SERINC2: variants seen among roughly 807,000 people sequenced by gnomAD.
SERINC2 encodes the protein serine incorporator 2.
SERINC2 carries 56 observed loss-of-function variants against 54.2 expected under a neutral mutation model. The ratio of observed to expected loss-of-function variants is 1.03; its 90% confidence interval spans 0.83 to 1.29. The LOEUF (loss-of-function observed/expected upper bound fraction) is 1.29. Ranked by LOEUF, SERINC2 falls within the 50% of genes most tolerant of loss-of-function variation. SERINC2 has a pLI of 0.00. For synonymous variants in SERINC2, 272 were observed against 253.1 expected (o/e 1.07, Z -0.71); for missense variants, 614 against 607.4 (o/e 1.01, Z -0.12).
intron 1 of SERINC2, among the ~76,000 whole-genome samples, chr1:31,418,703 A>C (rs937717824): frequency 2.0e-5 from 3 of 152,142 alleles, no homozygotes; most frequent in Non-Finnish European, 4.4e-5. Flanking sequence ...AGAAAAATTC[A>C]TCCAGCCCTC....
Position 31,424,672 on chromosome 1 carries a change from T to C in SERINC2, c.202-11T>C, listed in dbSNP as rs1274679799. 6.3e-7 allele frequency: 1 copy of C among 1,583,022 alleles called. No individual in the cohort carries two copies. The highest frequency in any genetic ancestry group is 8.6e-7 in the Non-Finnish European group (1 of 1,164,178). ...GGTGGGGCTTTGACGCTGCTCTGTC[T>C]GTCTCCACAGCTGCCCTGGGTGTGT... On this transcript the variant is annotated splice_polypyrimidine_tract_variant and intron_variant, in intron 2 of 9. Transcript: ENST00000373709.
intron 1 of SERINC2, chr1:31,414,632 CAGG>C (rs1489078079): frequency 3.0e-6 from 3 of 985,482 alleles, no homozygotes; most frequent in Non-Finnish European, 3.6e-6. Context: ...TGTGCGTGTG[CAGG>C]AGGAGGAATC....
intron 7 of SERINC2, 32 bp downstream of exon 7, chr1:31,429,100 G>T (rs1553134047): frequency 6.3e-7 from 1 of 1,578,328 alleles, no homozygotes; most frequent in Admixed American, 1.7e-5. Flanking sequence ...AGGAGGCCTG[G>T]CCTCGTTCCT....
Position 31,434,153 on chromosome 1 carries a change from G to A in SERINC2, c.1322G>A (p.Trp441Ter). 1 of 1,613,866 alleles carries A rather than the reference G, an allele frequency of 6.2e-7. No homozygotes were observed. Among genetic ancestry groups the A allele is most frequent in the Non-Finnish European group, 8.5e-7 (1 of 1,179,950 alleles). The change falls in exon 10 of 10, where the codon TGG (tryptophan) becomes TAG (stop). Residue 441 changes from tryptophan to a stop codon, truncating the protein, a stop_gained. Coordinates refer to ENST00000373709, the MANE Select transcript of SERINC2 (RefSeq NM_178865.5). LOFTEE classifies it high-confidence loss of function. ...TGGGCAGGGCTGCTCCTCTACCTGT[G>A]GACCCTGGTAGCCCCACTCCTCCTG... Reference protein sequence around the residue: ...ASWAGLLLYLWTLVAPLLLRN... With the variant: ...ASWAGLLLYL
intron 2 of SERINC2, 118 bp from the exon 3 acceptor site, chr1:31,424,565 C>T (rs1570044220): frequency 2.4e-6 from 2 of 818,118 alleles, no homozygotes; most frequent in South Asian, 1.8e-5. Context: ...GGTCCAGCCC[C>T]TGCTGGGAGA....
chr1:31,414,174 G>T, intron 1 of SERINC2: 1 of 1,403,606 alleles, frequency 7.1e-7, no homozygotes, highest in Non-Finnish European at 9.2e-7. Flanking sequence ...GGACCTGTGG[G>T]GAGGCCAACC....
rs2148509442 is a variant in SERINC2, at chr1:31,413,296, C to T, written c.31C>T (p.Leu11Phe). 3.9e-6 allele frequency: 5 copies of T among 1,276,770 alleles called. No individual in the cohort carries two copies. Among genetic ancestry groups the T allele is most frequent in the Non-Finnish European group, 4.9e-6 (5 of 1,013,818 alleles). 79.1% of individuals were successfully genotyped at this position (1,276,770 alleles called of 1,614,324 possible). Residue 11 changes from leucine to phenylalanine, a missense_variant, in exon 1 of 10, where the codon CTC becomes TTC. Physicochemically the swap from Leu to Phe is conservative, Grantham distance 22. Coordinates refer to ENST00000373709, the MANE Select transcript of SERINC2 (RefSeq NM_178865.5). This position sits in a 1 kb window ranked among gnomAD's most constrained non-coding sequence, Gnocchi z 5.0. The part of the protein sequence containing the change: MGACLGACSL[L>F]SCASCLCGSA... ...GGCCTGCCTGGGAGCCTGCTCCCTG[C>T]TCAGCTGCGTGAGTCCCGACCCCGG...
intron 8 of SERINC2, 128 bp from the exon 9 acceptor site, chr1:31,432,839 A>G (rs983953877): frequency 1.3e-5 from 9 of 682,960 alleles, no homozygotes; most frequent in Non-Finnish European, 2.0e-5. Context: ...TTGAGAGGCA[A>G]AGCAGTTTGT....
Position 31,434,537 on chromosome 1 carries a change from A to C in SERINC2, c.*338A>C. The C allele has an allele frequency of 3.9e-5, 11 of 281,580 alleles. No homozygotes were observed. Among genetic ancestry groups the C allele is most frequent in the South Asian group, 2.3e-4 (3 of 12,818 alleles). 17.4% of individuals were successfully genotyped at this position (281,580 alleles called of 1,614,324 possible). ...GCGGGGCTGCTGGAGAGAGCGGGGA[A>C]CTCCCACCACAGTGGGGCATCCGGC... On this transcript the variant is annotated 3_prime_UTR_variant, in exon 10 of 10. Coordinates refer to ENST00000373709, the MANE Select transcript of SERINC2 (RefSeq NM_178865.5).
Position 31,433,216 on chromosome 1 carries a change from C to T in SERINC2, c.1232+31C>T, listed in dbSNP as rs145697321. On this transcript the variant is annotated intron_variant, in intron 9 of 9. Coordinates refer to ENST00000373709, the MANE Select transcript of SERINC2 (RefSeq NM_178865.5). Reference sequence around the variant, plus strand: ...TAGCTGGTGGGGCATGGACAGAGCCCGGAGGTGCAGGGTGCAGGTCCACAC... The same window carrying T: ...TAGCTGGTGGGGCATGGACAGAGCCTGGAGGTGCAGGGTGCAGGTCCACAC... 4.0e-3 allele frequency: 6,346 copies of T among 1,587,154 alleles called. 20 individuals are homozygous for T. Among genetic ancestry groups the T allele is most frequent in the Non-Finnish European group, 5.1e-3 (5,859 of 1,157,102 alleles).
intron 8 of SERINC2, among the ~76,000 whole-genome samples, chr1:31,432,474 A>G (rs1641333943): frequency 6.6e-6 from 1 of 152,220 alleles, no homozygotes; most frequent in South Asian, 2.1e-4. Flanking sequence ...TGGTAAAACC[A>G]CCTGACACTA....
Position 31,423,945 on chromosome 1 carries a change from C to T in SERINC2, c.201+91C>T, listed in dbSNP as rs914771116. On this transcript the variant is annotated intron_variant, in intron 2 of 9. Coordinates refer to ENST00000373709, the MANE Select transcript of SERINC2 (RefSeq NM_178865.5). ...CCCAGGCTTGGGGTCACAGCTTATC[C>T]AGAAGAGGAGGCAGGGTGTTTGGGT... is the stretch of plus-strand genomic sequence containing the variant. The T allele has an allele frequency of 1.7e-5, 21 of 1,261,690 alleles. No individual in the cohort carries two copies. The Admixed American group carries it at 3.8e-4, about 23-fold the overall frequency. 78.2% of individuals were successfully genotyped at this position (1,261,690 alleles called of 1,614,324 possible). A position where few individuals can be genotyped will look rare whatever the true frequency, so the allele number is the denominator to read the frequency against.
chr1:31,432,357 A>C (rs992451312), intron 8 of SERINC2, among the ~76,000 whole-genome samples: 2 of 150,128 alleles, frequency 1.3e-5, no homozygotes, highest in Non-Finnish European at 2.9e-5. Context: ...TATGTCTCAA[A>C]CTATCAAATT....
At chr1:31,425,704 C>G (rs531776432) in intron 4 of SERINC2, 72 bp from the exon 5 acceptor site, 66 of 1,548,654 alleles carry the variant, frequency 4.3e-5, no homozygotes, top group Non-Finnish European at 5.5e-5. Context: ...CAGGGTGTAG[C>G]AGAAAACGCT....
chr1:31,414,421 T>TTTGTG (rs1553131930), intron 1 of SERINC2: 2 of 261,472 alleles, frequency 7.6e-6, no homozygotes, highest in Admixed American at 2.4e-4. Context: ...CCCTGACGGG[T>TTTGTG]TGTGTGTGTG....
chr1:31,431,729 T>C (rs562660218), intron 8 of SERINC2, among the ~76,000 whole-genome samples: 3 of 152,100 alleles, frequency 2.0e-5, no homozygotes, highest in Admixed American at 2.0e-4. Context: ...ATGCATGAGA[T>C]ATCCATATGG....
chr1:31,414,273 C>T, intron 1 of SERINC2: 2 of 1,321,736 alleles, frequency 1.5e-6, no homozygotes, highest in Non-Finnish European at 1.9e-6. Context: ...CCCCAGCCCC[C>T]CTCTCCTTTC....
Position 31,429,066 on chromosome 1 carries a change from C to T in SERINC2, c.869C>T (p.Pro290Leu), listed in dbSNP as rs1641123135. 6.2e-7 allele frequency: 1 copy of T among 1,613,066 alleles called. No homozygotes were observed. Among genetic ancestry groups the T allele is most frequent in the Non-Finnish European group, 8.5e-7 (1 of 1,179,220 alleles). The change falls in exon 7 of 10, where the codon CCT becomes CTT. Residue 290 changes from proline to leucine, a missense_variant and splice_region_variant. By Grantham distance (98) the Pro-to-Leu change is moderately conservative. Transcript: ENST00000373709. ...FVTWSALSSI[P>L]EQKCNPHLPT... Reference sequence around the variant, plus strand: ...ACCTGGTCAGCCCTATCCAGTATCCCTGGTAAGTATGGGCCCAGGCTCAAG... The same window carrying T: ...ACCTGGTCAGCCCTATCCAGTATCCTTGGTAAGTATGGGCCCAGGCTCAAG...
At chr1:31,430,772 G>A (rs1011774290) in intron 8 of SERINC2, among the ~76,000 whole-genome samples, 12 of 152,024 alleles carry the variant, frequency 7.9e-5, no homozygotes, top group Non-Finnish European at 1.0e-4. Context: ...TTGTTTACAC[G>A]GATCAGGCAG....
Sources: allele counts gnomAD v4.1 joint callset (sites outside exome capture counted in the v4.1 genomes callset), GRCh38; gene constraint gnomAD v4.1.1; non-coding constraint Gnocchi (gnomAD v3.1); transcripts MANE v1.5; gene names NCBI Gene and HGNC (gene_info 2026-07-23, HGNC 2026-07-21).